The following NUP210 variants were observed in gnomAD, a reference collection of about 807,000 sequenced individuals.
NUP210 encodes nucleoporin 210.
Under a neutral mutation model 196.0 loss-of-function variants are expected in NUP210, and 151 were observed. That is an observed-to-expected ratio of 0.77 (90% CI 0.67 to 0.88). The LOEUF is 0.88. NUP210 is among the 40% of genes least tolerant of loss of function. The pLI is 0.00. For missense variants in NUP210, 2,314 were observed against 2,493.7 expected (o/e 0.93, Z 1.53); for synonymous variants, 1,070 against 1,052.7 (o/e 1.02, Z -0.32).
At chr3:13,410,653 C>T (rs1320758047) in intron 1 of NUP210, among the ~76,000 whole-genome samples, 1 of 149,456 alleles carries the variant, frequency 6.7e-6, no homozygotes, top group Non-Finnish European at 1.5e-5. Context: ...CACGGTGGCT[C>T]ACACCTGTAA....
rs140817347 is a variant in NUP210, at chr3:13,393,396, C to T, written c.437-2089G>A. On this transcript the variant is annotated intron_variant, in intron 3 of 39. Transcript: ENST00000254508. ...CACAGTCTCTCCTGGAAGTCCACCA[C>T]GTTCAAATGTGGAAGAAGAGTTGAA... 3.9e-3 allele frequency among the ~76,000 whole-genome samples: 588 copies of T among 152,314 alleles called. 4 individuals are homozygous for T. The highest frequency in any genetic ancestry group is 0.013 in the African/African-American group (543 of 41,566).
intron 11 of NUP210, among the ~76,000 whole-genome samples, chr3:13,374,235 C>T (rs1275013428): frequency 6.6e-6 from 1 of 152,176 alleles, no homozygotes; most frequent in Non-Finnish European, 1.5e-5. Context: ...CTTACATTTA[C>T]CTTCACACTC....
intron 13 of NUP210, among the ~76,000 whole-genome samples, chr3:13,371,155 T>C (rs1200946568): frequency 1.3e-5 from 2 of 152,196 alleles, no homozygotes; most frequent in Admixed American, 1.3e-4. Context: ...TCCTTATCTT[T>C]AAGGCCCGTT....
intron 28 of NUP210, among the ~76,000 whole-genome samples, chr3:13,334,293 A>G (rs534646638): frequency 5.9e-5 from 9 of 152,224 alleles, no homozygotes; most frequent in Non-Finnish European, 1.3e-4. Context: ...CTTTAATTCC[A>G]TGATAGGCTC....
chr3:13,322,304 C>G lies in NUP210; in HGVS notation c.4804G>C (p.Ala1602Pro). Reference protein sequence around the residue: ...CTPTQREVIQALHPETLISCQ... With the variant: ...CTPTQREVIQPLHPETLISCQ... ...CTGATGAGGGTCTCTGGGTGCAAGG[C>G]CTGGATGACTTCCCTCTGGGTGGGG... The change falls in exon 35 of 40, where the codon GCC (alanine) becomes CCC (proline). Residue 1602 changes from alanine (A) to proline (P), a missense_variant. Transcript: ENST00000254508. 1 of 1,614,228 alleles carries G rather than the reference C, an allele frequency of 6.2e-7. No homozygotes were observed.
intron 14 of NUP210, 119 bp from the exon 15 acceptor site, chr3:13,360,610 T>C (rs1386045593): frequency 1.4e-6 from 1 of 690,538 alleles, no homozygotes. Flanking sequence ...GCAAGCCCCA[T>C]CTCCTGTTTG....
chr3:13,354,164 G>A (rs1458976776), intron 16 of NUP210, 57 bp from the exon 17 acceptor site: 18 of 1,450,382 alleles, frequency 1.2e-5, no homozygotes, highest in Non-Finnish European at 1.7e-5. Context: ...CCTGGACACT[G>A]ACCACGCAGT....
intron 20 of NUP210, 106 bp from the exon 21 acceptor site, chr3:13,343,409 A>G: frequency 1.4e-6 from 2 of 1,402,672 alleles, no homozygotes; most frequent in East Asian, 2.5e-5. Context: ...GCACCAGCCT[A>G]TCACCTCATG....
Position 13,358,127 on chromosome 3 carries a change from C to T in NUP210, c.2328+95G>A, listed in dbSNP as rs769554195. 2.3e-5 allele frequency: 26 copies of T among 1,127,290 alleles called. No homozygotes were observed. In the East Asian group the frequency reaches 3.1e-4, roughly 14 times the overall value. 69.8% of individuals were successfully genotyped at this position (1,127,290 alleles called of 1,614,324 possible). A position where few individuals can be genotyped will look rare whatever the true frequency, so the allele number is the denominator to read the frequency against. The stretch of plus-strand genomic sequence containing the variant: ...AGGAAGTGCAGCGTGGAGCTATGTC[C>T]GTTGCAATGCTCGGGACCATGGGCG... On this transcript the variant is annotated intron_variant, in intron 16 of 39. Coordinates refer to ENST00000254508, the MANE Select transcript of NUP210 (RefSeq NM_024923.4).
chr3:13,356,359 G>A (rs1252224678), intron 16 of NUP210, among the ~76,000 whole-genome samples: 1 of 152,176 alleles, frequency 6.6e-6, no homozygotes, highest in Non-Finnish European at 1.5e-5. Flanking sequence ...GTTCCCTAAT[G>A]ACTGGCCAGG....
intron 6 of NUP210, among the ~76,000 whole-genome samples, chr3:13,381,229 C>A (rs950848197): frequency 6.6e-6 from 1 of 152,220 alleles, no homozygotes; most frequent in African/African-American, 2.4e-5. Flanking sequence ...TAATGAAGCA[C>A]TAGCTTCCTC....
At chr3:13,359,606 C>T (rs139893657) in intron 15 of NUP210, among the ~76,000 whole-genome samples, 58 of 152,330 alleles carry the variant, frequency 3.8e-4, no homozygotes, top group Middle Eastern at 3.4e-3. Context: ...CTGATTCCCG[C>T]CGAATACCCC....
chr3:13,389,252 C>T (rs1486651815), intron 4 of NUP210, among the ~76,000 whole-genome samples: 3 of 152,240 alleles, frequency 2.0e-5, no homozygotes, highest in Admixed American at 1.3e-4. Flanking sequence ...TAGCATTTGG[C>T]TCAGGTGCAG....
rs769235851 is a variant in NUP210 at position 13,375,658 on chromosome 3, T to C, written c.1294-17A>G. 1 of 1,607,606 alleles carries C rather than the reference T, an allele frequency of 6.2e-7. No homozygotes were observed. The highest frequency in any genetic ancestry group is 8.5e-7 in the Non-Finnish European group (1 of 1,176,386). On this transcript the variant is annotated splice_polypyrimidine_tract_variant and intron_variant, in intron 10 of 39. Coordinates refer to ENST00000254508, the MANE Select transcript of NUP210 (RefSeq NM_024923.4). Reference sequence around the variant, plus strand: ...CCCTCCATCCTACAAGGGGTGAGGGTGCCACACGTAACCATGACAACCATG... The same window carrying C: ...CCCTCCATCCTACAAGGGGTGAGGGCGCCACACGTAACCATGACAACCATG...
rs1698328470 is a variant in NUP210, at chr3:13,360,342, G to A, written c.2082C>T (p.Leu694=). ...AEDTDSIGLA[L]FAPHSSRNYQ... The stretch of plus-strand genomic sequence containing the variant: ...AATTCCGGGAGGAATGGGGGGCAAA[G>A]AGAGCCAGGCCGATGCTGTCAGTGT... Residue 694 remains leucine (L), a synonymous_variant, in exon 15 of 40, where the codon CTC becomes CTT. Coordinates refer to ENST00000254508, the MANE Select transcript of NUP210 (RefSeq NM_024923.4). The A allele has an allele frequency of 6.2e-7, 1 of 1,614,210 alleles. No individual in the cohort carries two copies. Among genetic ancestry groups the A allele is most frequent in the Non-Finnish European group, 8.5e-7 (1 of 1,180,038 alleles).
intron 1 of NUP210, among the ~76,000 whole-genome samples, chr3:13,409,121 T>G (rs1700084854): frequency 6.6e-6 from 1 of 152,190 alleles, no homozygotes; most frequent in Non-Finnish European, 1.5e-5. Flanking sequence ...GACCTGTGAG[T>G]GCCATTTCTG....
In NUP210 at chr3:13,420,037, C is replaced by T; in HGVS notation, c.167+23G>A. 2 of 1,219,028 alleles carry T rather than the reference C, an allele frequency of 1.6e-6. No homozygotes were observed. Among genetic ancestry groups the T allele is most frequent in the Non-Finnish European group, 2.1e-6 (2 of 966,402 alleles). 75.5% of individuals were successfully genotyped at this position (1,219,028 alleles called of 1,614,324 possible). On this transcript the variant is annotated intron_variant, in intron 1 of 39. Transcript: ENST00000254508. This position sits in a 1 kb window ranked among gnomAD's most constrained non-coding sequence, Gnocchi z 4.8. ...GGCCCAGCCCGGCCCACGGCGCCCG[C>T]CCGGCCCGGCCGCGCGCCTCACCAG... is the stretch of plus-strand genomic sequence containing the variant.
intron 6 of NUP210, 118 bp downstream of exon 6, chr3:13,386,157 T>C: frequency 9.2e-7 from 1 of 1,091,210 alleles, no homozygotes; most frequent in Non-Finnish European, 1.3e-6. Context: ...ATGTACTTGA[T>C]GCTACCTGAT....
intron 31 of NUP210, 93 bp downstream of exon 31, chr3:13,328,678 C>G: frequency 8.1e-7 from 1 of 1,237,618 alleles, no homozygotes; most frequent in Non-Finnish European, 1.2e-6. Flanking sequence ...CATCTTCCTT[C>G]AACAGCAGCA....
Sources: allele counts gnomAD v4.1 joint callset (sites outside exome capture counted in the v4.1 genomes callset), GRCh38; gene constraint gnomAD v4.1.1; non-coding constraint Gnocchi (gnomAD v3.1); transcripts MANE v1.5; gene names NCBI Gene and HGNC (gene_info 2026-07-23, HGNC 2026-07-21).